AHNAK2: variants seen among roughly 807,000 people sequenced by gnomAD.
AHNAK2 encodes the protein AHNAK nucleoprotein 2, also known as protein AHNAK2.
A neutral mutation model predicts 30.7 loss-of-function variants in AHNAK2; 18 were observed. The observed-to-expected ratio is 0.59, with a 90% confidence interval of 0.41 to 0.87. The LOEUF is 0.87. Among genes scored for constraint, AHNAK2 ranks in the 40% least tolerant of loss-of-function variants. AHNAK2 has a pLI of 0.00. For synonymous variants in AHNAK2, 3,590 were observed against 3,073.8 expected, an observed-to-expected ratio of 1.17 and a Z score of -5.56; for missense variants, 8,604 against 7,373.0, an observed-to-expected ratio of 1.17 and a Z score of -6.11.
Position 104,953,270 on chromosome 14 carries a change from G to C in AHNAK2, c.2181C>G (p.Thr727=), listed in dbSNP as rs748161628. 4.3e-6 allele frequency: 7 copies of C among 1,612,692 alleles called. No individual in the cohort carries two copies. Among genetic ancestry groups the C allele is most frequent in the African/African-American group, 1.3e-5 (1 of 74,358 alleles). The change falls in exon 7 of 7, where the codon ACC becomes ACG. Residue 727 remains threonine (T), a synonymous_variant. Coordinates refer to ENST00000333244, the MANE Select transcript of AHNAK2 (RefSeq NM_138420.4). The part of the protein sequence containing the change: ...DLKTTDLSVQ[T]PSADLEVQDG... ...CCTGGACCTCCAGGTCAGCGGAAGG[G>C]GTCTGGACGCTGAGGTCAGTGGTCT...
In AHNAK2 at chr14:104,946,453, A is replaced by C; in HGVS notation, c.8998T>G (p.Ser3000Ala). The change falls in exon 7 of 7, where the codon TCG becomes GCG. Residue 3000 changes from serine to alanine, a missense_variant. Transcript: ENST00000333244. ...ACCTTCGGCGCAGACACATCCACCG[A>C]GACCTCAATGGACTTGCCTGGGGCA... ...VSAPGKSIEV[S>A]VDVSAPKVEA... The C allele has an allele frequency of 6.2e-7, 1 of 1,612,562 alleles. No homozygotes were observed. The highest frequency in any genetic ancestry group is 8.5e-7 in the Non-Finnish European group (1 of 1,179,566).
chr14:104,951,932 G>T lies in AHNAK2; in HGVS notation c.3519C>A (p.Phe1173Leu). Residue 1173 changes from phenylalanine to leucine, a missense_variant, in exon 7 of 7, where the codon TTC (phenylalanine) becomes TTA (leucine). Physicochemically the swap from Phe to Leu is conservative, Grantham distance 22. Transcript: ENST00000333244. Reference sequence around the variant, plus strand: ...TGGACTTGCCTGGGGCTGACGCCCCGAACGATGGCATCTTGAACTTGGGCA... The same window carrying T: ...TGGACTTGCCTGGGGCTGACGCCCCTAACGATGGCATCTTGAACTTGGGCA... ...FKMPKFKMPS[F>L]GASAPGKSIE... 3 of 1,582,564 alleles carry T rather than the reference G, an allele frequency of 1.9e-6. No homozygotes were observed. The highest frequency in any genetic ancestry group is 2.6e-6 in the Non-Finnish European group (3 of 1,169,782).
rs1898134076 is a variant in AHNAK2, at chr14:104,944,152, GC to G, written c.11298del (p.Ser3768AlafsTer29). On this transcript the variant is annotated frameshift_variant, in exon 7 of 7. Coordinates refer to ENST00000333244, the MANE Select transcript of AHNAK2 (RefSeq NM_138420.4). LOFTEE classifies it low-confidence loss of function (END_TRUNC). ...EVTAPDVEVS[L>X]PSVEVDVQAP... ...GCCTGGACGTCCACCTCCACGCTGG[GC>G]AGAGACACCTCCACATCAGGGGCTG... 6.2e-7 allele frequency: 1 copy of G among 1,613,240 alleles called. No homozygotes were observed.
rs769040318 is a variant in AHNAK2, at chr14:104,948,009, C to T, written c.7442G>A (p.Ser2481Asn). 1.1e-5 allele frequency: 17 copies of T among 1,612,796 alleles called. No homozygotes were observed. The African/African-American group carries it at 2.1e-4, about 20-fold the overall frequency. ...CTTGAACTTGGGAATTTTGAACCTG[C>T]TGTCTTTGGTAGTCACATCCTTGTC... ...VADKDVTTKDSRFKIPKFKMP... is the reference protein window; with the variant it reads ...VADKDVTTKDNRFKIPKFKMP... The change falls in exon 7 of 7, where the codon AGC becomes AAC. Residue 2481 changes from serine (S) to asparagine (N), a missense_variant. By Grantham distance (46) the Ser-to-Asn change is conservative. Transcript: ENST00000333244.
At position 104,948,360 on chromosome 14, in the gene AHNAK2, G is replaced by A; in HGVS notation, c.7091C>T (p.Thr2364Ile). The change falls in exon 7 of 7, where the codon ACT becomes ATT. Residue 2364 changes from threonine to isoleucine, a missense_variant. Coordinates refer to ENST00000333244, the MANE Select transcript of AHNAK2 (RefSeq NM_138420.4). Reference sequence around the variant, plus strand: ...GGAAGGGGGCTGAACGCTGAGGTCAGTGGTCTTGAGGTCCCCCTGCATGGA... The same window carrying A: ...GGAAGGGGGCTGAACGCTGAGGTCAATGGTCTTGAGGTCCCCCTGCATGGA... Reference protein sequence around the residue: ...LPSMQGDLKTTDLSVQPPSAD... With the variant: ...LPSMQGDLKTIDLSVQPPSAD... 1 of 1,612,946 alleles carries A rather than the reference G, an allele frequency of 6.2e-7. No individual in the cohort carries two copies. Among genetic ancestry groups the A allele is most frequent in the East Asian group, 2.2e-5 (1 of 44,754 alleles).
At chr14:104,956,539 C>T (rs750751010) in intron 4 of AHNAK2, 49 bp downstream of exon 4, 8 of 1,589,990 alleles carry the variant, frequency 5.0e-6, no homozygotes, top group Non-Finnish European at 6.9e-6. Flanking sequence ...TGGCTGGATC[C>T]CTTGAGGACC....
In AHNAK2 at chr14:104,947,588, C is replaced by A; in HGVS notation, c.7863G>T (p.Pro2621=). The A allele has an allele frequency of 6.2e-7, 1 of 1,613,050 alleles. No individual in the cohort carries two copies. The highest frequency in any genetic ancestry group is 8.5e-7 in the Non-Finnish European group (1 of 1,179,682). ...LSSMEVDVQA[P]RAKLDGARLE... ...GCCGCGCACCATCCAGCTTTGCTCT[C>A]GGGGCCTGGACGTCCACCTCCATGC... is the stretch of plus-strand genomic sequence containing the variant. The change falls in exon 7 of 7, where the codon CCG becomes CCT. Residue 2621 remains proline, a synonymous_variant. Transcript: ENST00000333244.
Position 104,953,002 on chromosome 14 carries a change from C to G in AHNAK2, c.2449G>C (p.Gly817Arg), listed in dbSNP as rs1898830719. Residue 817 changes from glycine (G) to arginine (R), a missense_variant, in exon 7 of 7, where the codon GGG becomes CGG. Physicochemically the swap from Gly to Arg is moderately radical, Grantham distance 125. Transcript: ENST00000333244. Reference protein sequence around the residue: ...RAKLDGARLEGDLSLADKEVT... With the variant: ...RAKLDGARLERDLSLADKEVT... Reference sequence around the variant, plus strand: ...TCCTTGTCGGCCAGGGACAGGTCCCCCTCCAGCCGCGCACCATCCAGCTTT... The same window carrying G: ...TCCTTGTCGGCCAGGGACAGGTCCCGCTCCAGCCGCGCACCATCCAGCTTT... 6.2e-7 allele frequency: 1 copy of G among 1,612,910 alleles called. No individual in the cohort carries two copies. Among genetic ancestry groups the G allele is most frequent in the African/African-American group, 1.3e-5 (1 of 74,506 alleles).
chr14:104,965,546 G>T (rs1346581363), intron 1 of AHNAK2, among the ~76,000 whole-genome samples: 2 of 151,980 alleles, frequency 1.3e-5, no homozygotes, highest in Non-Finnish European at 2.9e-5. Flanking sequence ...CCAATCTTAC[G>T]CCAACTCTGG....
Position 104,941,594 on chromosome 14 carries a change from C to T in AHNAK2, c.13857G>A (p.Glu4619=), listed in dbSNP as rs151077903. The change falls in exon 7 of 7, where the codon GAG becomes GAA. Residue 4619 remains glutamate, a synonymous_variant. Coordinates refer to ENST00000333244, the MANE Select transcript of AHNAK2 (RefSeq NM_138420.4). ...RLEGDLSLAH[E]DVAGKDSKFQ... ...ACTTACTGTCTTTCCCAGCTACATC[C>T]TCGTGGGCCAGGGACAGGTCCCCCT... 1.4e-3 allele frequency: 2,224 copies of T among 1,613,388 alleles called. 23 individuals are homozygous for T. The African/African-American group carries it at 0.022, about 16-fold the overall frequency.
At chr14:104,968,287 A>G (rs1032880683) in intron 1 of AHNAK2, among the ~76,000 whole-genome samples, 3 of 152,078 alleles carry the variant, frequency 2.0e-5, no homozygotes, top group Non-Finnish European at 4.4e-5. Context: ...CGCAGAGGAC[A>G]CCCACCCTGG....
At chr14:104,955,793 T>G (rs1449490708) in intron 4 of AHNAK2, among the ~76,000 whole-genome samples, 160 bp from the exon 5 acceptor site, 1 of 152,166 alleles carries the variant, frequency 6.6e-6, no homozygotes, top group Non-Finnish European at 1.5e-5. Flanking sequence ...TGGGCTCAGG[T>G]AGCTGTCTCT....
At position 104,964,408 on chromosome 14, in the gene AHNAK2, C is replaced by G. The variant is rs115303107; in HGVS notation, c.56-6736G>C. 3.3e-3 allele frequency among the ~76,000 whole-genome samples: 505 copies of G among 152,202 alleles called. 3 individuals carry two copies. The highest frequency in any genetic ancestry group is 0.012 in the African/African-American group (479 of 41,510). ...GGTTGGGGGTCAGCTGGCGCAACCACTTGGAAACAGCCTGGTAGAGCCTTA... is the reference window on the plus strand; with the variant it reads ...GGTTGGGGGTCAGCTGGCGCAACCAGTTGGAAACAGCCTGGTAGAGCCTTA... On this transcript the variant is annotated intron_variant, in intron 1 of 6. Transcript: ENST00000333244.
At position 104,942,160 on chromosome 14, in the gene AHNAK2, C is replaced by G; in HGVS notation, c.13291G>C (p.Val4431Leu). The G allele has an allele frequency of 6.2e-7, 1 of 1,612,868 alleles. No individual in the cohort carries two copies. The highest frequency in any genetic ancestry group is 8.5e-7 in the Non-Finnish European group (1 of 1,179,618). ...TTGGCTCCTGGGGCTTGGATGTCCACCTCCATGCTGGGCAGAGACACGTCC... is the reference window on the plus strand; with the variant it reads ...TTGGCTCCTGGGGCTTGGATGTCCAGCTCCATGCTGGGCAGAGACACGTCC... ...NLDVSLPSME[V>L]DIQAPGAKLD... The change falls in exon 7 of 7, where the codon GTG (valine) becomes CTG (leucine). Residue 4431 changes from valine (V) to leucine (L), a missense_variant. By Grantham distance (32) the Val-to-Leu change is conservative. Coordinates refer to ENST00000333244, the MANE Select transcript of AHNAK2 (RefSeq NM_138420.4).
Position 104,943,671 on chromosome 14 carries a change from A to G in AHNAK2, c.11780T>C (p.Val3927Ala). Reference protein sequence around the residue: ...DPKVEVTAPDVEVSLPSVEVD... With the variant: ...DPKVEVTAPDAEVSLPSVEVD... ...CTCCACGCTGGGCAGAGAAACCTCC[A>G]CATCAGGGGCTGTCACTTCCACCTT... The change falls in exon 7 of 7, where the codon GTG becomes GCG. Residue 3927 changes from valine (V) to alanine (A), a missense_variant. Physicochemically the swap from Val to Ala is moderately conservative, Grantham distance 64. Transcript: ENST00000333244. 1 of 1,613,044 alleles carries G rather than the reference A, an allele frequency of 6.2e-7. No individual in the cohort carries two copies. The highest frequency in any genetic ancestry group is 8.5e-7 in the Non-Finnish European group (1 of 1,179,624).
rs1233221939 is a variant in AHNAK2, at chr14:104,949,777, G to C, written c.5674C>G (p.Pro1892Ala). ...GCTCCCTCGGGCACCTGGCCCTCCG[G>C]GAGCTTCATGTCCACTTGGCCAGCC... is the stretch of plus-strand genomic sequence containing the variant. ...VQAGQVDMKL[P>A]EGQVPEGAGL... The change falls in exon 7 of 7, where the codon CCG becomes GCG. Residue 1892 changes from proline to alanine, a missense_variant. By Grantham distance (27) the Pro-to-Ala change is conservative. Coordinates refer to ENST00000333244, the MANE Select transcript of AHNAK2 (RefSeq NM_138420.4). The C allele has an allele frequency of 1.9e-6, 3 of 1,587,576 alleles. No homozygotes were observed. Among genetic ancestry groups the C allele is most frequent in the Non-Finnish European group, 2.6e-6 (3 of 1,163,186 alleles).
chr14:104,941,787 T>G lies in AHNAK2; in HGVS notation c.13664A>C (p.Lys4555Thr). ...HLPKVEMPSF[K>T]MPKVDLKGPQ... The stretch of plus-strand genomic sequence containing the variant: ...GCCCTTGAGGTCCACTTTGGGCATC[T>G]TGAAACTGGGCATCTCCACCTTGGG... The change falls in exon 7 of 7, where the codon AAG becomes ACG. Residue 4555 changes from lysine to threonine, a missense_variant. By Grantham distance (78) the Lys-to-Thr change is moderately conservative. Transcript: ENST00000333244. The G allele has an allele frequency of 6.2e-7, 1 of 1,613,642 alleles. No homozygotes were observed. The highest frequency in any genetic ancestry group is 8.5e-7 in the Non-Finnish European group (1 of 1,179,766).
At chr14:104,955,925 C>T (rs897536363) in intron 4 of AHNAK2, among the ~76,000 whole-genome samples, 7 of 152,356 alleles carry the variant, frequency 4.6e-5, no homozygotes, top group African/African-American at 1.2e-4. Flanking sequence ...CAGCGCAGAA[C>T]GGATTCTGCT....
chr14:104,951,842 C>G lies in AHNAK2; in HGVS notation c.3609G>C (p.Gln1203His), dbSNP rs768006083. The change falls in exon 7 of 7, where the codon CAG becomes CAC. Residue 1203 changes from glutamine (Q) to histidine (H), a missense_variant. Gln to His is a conservative substitution (Grantham distance 24). Coordinates refer to ENST00000333244, the MANE Select transcript of AHNAK2 (RefSeq NM_138420.4). ...TGAGGTCAGTGGTCTTGAGGTCCCC[C>G]TGCATGGAGGGGAGACTCACGTCGG... ...VEADVSLPSM[Q>H]GDLKTTDLSI... 10 of 1,602,496 alleles carry G rather than the reference C, an allele frequency of 6.2e-6. 1 individual carries two copies. The highest frequency in any genetic ancestry group is 5.1e-5 in the Admixed American group (3 of 58,826).
Sources: allele counts gnomAD v4.1 joint callset (sites outside exome capture counted in the v4.1 genomes callset), GRCh38; gene constraint gnomAD v4.1.1; transcripts MANE v1.5; gene names NCBI Gene and HGNC (gene_info 2026-07-23, HGNC 2026-07-21).